Variants in DAB1 observed in about 807,000 individuals in gnomAD.
The protein encoded by DAB1 is disabled homolog 1.
A neutral mutation model predicts 64.6 loss-of-function variants in DAB1; 15 were observed. The observed-to-expected ratio is 0.23, with a 90% CI of 0.16 to 0.36. DAB1 has a LOEUF of 0.36. Among genes scored for constraint, DAB1 ranks in the 10% least tolerant of loss-of-function variants. The pLI is 1.00. For missense variants in DAB1, 596 were observed against 706.7 expected (o/e 0.84, Z 1.78); for synonymous variants, 235 against 251.9 (o/e 0.93, Z 0.64).
intron 2 of DAB1, among the ~76,000 whole-genome samples, chr1:57,214,648 C>T (rs888670770): frequency 2.0e-5 from 3 of 152,152 alleles, no homozygotes; most frequent in Non-Finnish European, 4.4e-5. Flanking sequence ...CAGTGGCTCA[C>T]ACCTGTAATC....
chr1:57,507,119 G>T (rs923843985), intron 7 of DAB1, among the ~76,000 whole-genome samples: 2 of 152,116 alleles, frequency 1.3e-5, no homozygotes, highest in Non-Finnish European at 2.9e-5. Flanking sequence ...CTGCCTCCAG[G>T]ATAAACGCCA....
rs1048773844 is a variant in DAB1 at position 57,185,559 on chromosome 1, C to T, written c.68-40130G>A. Among the ~76,000 whole-genome samples the T allele has an allele frequency of 5.9e-5, 9 of 152,128 alleles. No individual in the cohort carries two copies. The South Asian group carries it at 1.5e-3, about 25-fold the overall frequency. ...GGGACAAACCTCACAGGCAACCTCACGCATAGAGGGCCCTTTAGGAAATAA... is the reference window on the plus strand; with the variant it reads ...GGGACAAACCTCACAGGCAACCTCATGCATAGAGGGCCCTTTAGGAAATAA... On this transcript the variant is annotated intron_variant, in intron 2 of 14. Coordinates refer to ENST00000371236, the MANE Select transcript of DAB1 (RefSeq NM_001365792.1).
chr1:57,990,615 G>T (rs184500435), intron 5 of DAB1, among the ~76,000 whole-genome samples: 15 of 152,286 alleles, frequency 9.8e-5, no homozygotes, highest in Admixed American at 2.0e-4. Flanking sequence ...CTGTCCACAA[G>T]GCCTGTTGCT....
intron 6 of DAB1, among the ~76,000 whole-genome samples, chr1:57,685,978 A>T (rs1179114920): frequency 1.3e-5 from 2 of 152,124 alleles, no homozygotes; most frequent in Non-Finnish European, 2.9e-5. Flanking sequence ...CAAAATAACA[A>T]TCTAACTTTT....
At chr1:57,550,925 A>G (rs1362806238) in intron 7 of DAB1, among the ~76,000 whole-genome samples, 1 of 152,202 alleles carries the variant, frequency 6.6e-6, no homozygotes, top group Non-Finnish European at 1.5e-5. Flanking sequence ...AGGTACTTAT[A>G]TACAGTAATT....
intron 2 of DAB1, among the ~76,000 whole-genome samples, chr1:57,212,694 A>T (rs190972027): frequency 6.6e-6 from 1 of 152,224 alleles, no homozygotes; most frequent in African/African-American, 2.4e-5. Context: ...AAGCACATTC[A>T]TATGCACTAA....
chr1:57,308,218 C>T (rs559815380), intron 1 of DAB1, among the ~76,000 whole-genome samples: 16 of 152,232 alleles, frequency 1.1e-4, no homozygotes, highest in Admixed American at 8.5e-4. Flanking sequence ...TGATTAGGTG[C>T]CCATTAGCTT....
intron 7 of DAB1, among the ~76,000 whole-genome samples, chr1:57,493,889 T>G (rs1271696798): frequency 6.6e-6 from 1 of 152,150 alleles, no homozygotes; most frequent in Non-Finnish European, 1.5e-5. Flanking sequence ...AATTTTTAGT[T>G]TTTCCATTGG....
At chr1:57,714,564 G>A (rs2101749523) in intron 6 of DAB1, among the ~76,000 whole-genome samples, 1 of 152,296 alleles carries the variant, frequency 6.6e-6, no homozygotes, top group South Asian at 2.1e-4. Flanking sequence ...GAAGAAGCAT[G>A]AACAAAGTTA....
chr1:58,457,587 T>C (rs1202497918), intron 3 of DAB1, among the ~76,000 whole-genome samples: 1 of 152,226 alleles, frequency 6.6e-6, no homozygotes, highest in Non-Finnish European at 1.5e-5. Context: ...GTTCGTTGTG[T>C]TGGCTTGAAA....
At chr1:57,747,017 T>C (rs1570790993) in intron 6 of DAB1, among the ~76,000 whole-genome samples, 1 of 152,354 alleles carries the variant, frequency 6.6e-6, no homozygotes, top group East Asian at 1.9e-4. Flanking sequence ...TTTTTCTTTT[T>C]TGGTATACAT....
intron 5 of DAB1, among the ~76,000 whole-genome samples, chr1:58,121,854 C>G (rs1237161054): frequency 6.6e-6 from 1 of 152,156 alleles, no homozygotes; most frequent in Non-Finnish European, 1.5e-5. Context: ...TAATAATACT[C>G]TTCTCACTCC....
intron 5 of DAB1, among the ~76,000 whole-genome samples, chr1:58,008,778 A>T (rs544527977): frequency 6.6e-6 from 1 of 152,292 alleles, no homozygotes; most frequent in East Asian, 1.9e-4. Flanking sequence ...GTTAAAACAC[A>T]AAACCTCTTA....
rs117103562 is a variant in DAB1 at position 57,256,923 on chromosome 1, T to A, written c.67+34041A>T. 1.6e-3 allele frequency among the ~76,000 whole-genome samples: 240 copies of A among 152,270 alleles called. 5 individuals carry two copies. In the East Asian group the frequency reaches 0.043, roughly 27 times the overall value. On this transcript the variant is annotated intron_variant, in intron 2 of 14. Transcript: ENST00000371236. ...AGCCACTGTTCCTGGACCAGACCCA[T>A]CCCAGTGCCTAGACCTAGTCTGACT... is the stretch of plus-strand genomic sequence containing the variant.
intron 6 of DAB1, among the ~76,000 whole-genome samples, chr1:57,667,079 C>T (rs1458079145): frequency 6.6e-6 from 1 of 152,158 alleles, no homozygotes; most frequent in African/African-American, 2.4e-5. Context: ...ATACTAGGTA[C>T]TCTTCTAGAC....
intron 7 of DAB1, among the ~76,000 whole-genome samples, chr1:57,623,741 G>T (rs892075813): frequency 2.6e-5 from 4 of 152,116 alleles, no homozygotes; most frequent in Non-Finnish European, 4.4e-5. Flanking sequence ...AACGTCCCTA[G>T]GCTGGACCTG....
chr1:57,258,057 A>G (rs1178288072), intron 2 of DAB1, among the ~76,000 whole-genome samples: 2 of 152,262 alleles, frequency 1.3e-5, no homozygotes, highest in Non-Finnish European at 2.9e-5. Flanking sequence ...CTGTGACACT[A>G]GTAAATAATC....
intron 5 of DAB1, among the ~76,000 whole-genome samples, chr1:57,913,822 C>T (rs1013331765): frequency 1.6e-4 from 25 of 152,012 alleles, no homozygotes; most frequent in African/African-American, 6.1e-4. Context: ...GACATTTATG[C>T]AGTCAAAAGA....
chr1:57,013,040 C>A (rs1467436065), intron 12 of DAB1, among the ~76,000 whole-genome samples: 3 of 152,232 alleles, frequency 2.0e-5, no homozygotes, highest in Non-Finnish European at 2.9e-5. Context: ...TTTCTCGACA[C>A]TAGAGGAAGG....
Sources: allele counts gnomAD v4.1 joint callset (sites outside exome capture counted in the v4.1 genomes callset), GRCh38; gene constraint gnomAD v4.1.1; transcripts MANE v1.5; gene names NCBI Gene and HGNC (gene_info 2026-07-23, HGNC 2026-07-21).